Variants in ZNHIT3 observed in about 807,000 individuals in gnomAD.
ZNHIT3 encodes the protein zinc finger HIT-type containing 3.
Under a neutral mutation model 19.9 loss-of-function variants are expected in ZNHIT3, and 27 were observed. The observed-to-expected ratio is 1.36, with a 90% CI of 1.00 to 1.87. The LOEUF (loss-of-function observed/expected upper bound fraction) is 1.87, where lower values mean the gene tolerates loss of function less well. Among genes scored for constraint, ZNHIT3 ranks in the 40% most tolerant of loss-of-function variants. ZNHIT3 has a pLI of 0.00. For missense variants in ZNHIT3, 215 were observed against 185.6 expected, an observed-to-expected ratio of 1.16 and a Z score of -0.92; for synonymous variants, 81 against 65.7, an observed-to-expected ratio of 1.23 and a Z score of -1.13.
At chr17:36,489,363 C>T (rs1172693569) in intron 2 of ZNHIT3, 2 of 152,016 alleles carry the variant, frequency 1.3e-5, no homozygotes, top group African/African-American at 2.4e-5. Context: ...TTTTTAGGAA[C>T]CTCTATGCTG....
chr17:36,498,601 G>T, downstream of ZNHIT3: 1 of 1,538,144 alleles, frequency 6.5e-7, no homozygotes, highest in Non-Finnish European at 8.8e-7. Context: ...GATTTATCTA[G>T]CCCTCTTAGC....
In ZNHIT3 at chr17:36,493,977, G is replaced by A. The variant is rs373839162; in HGVS notation, c.257G>A (p.Arg86Lys). 6.2e-7 allele frequency: 1 copy of A among 1,613,456 alleles called. No individual in the cohort carries two copies. Among genetic ancestry groups the A allele is most frequent in the Non-Finnish European group, 8.5e-7 (1 of 1,179,476 alleles). ...CTCAATAGTGATGAGGAAGAAGACA[G>A]AGTTTCTTTGCAGAATTTAAAGAAT... is the stretch of plus-strand genomic sequence containing the variant. Reference protein sequence around the residue: ...DFLNSDEEEDRVSLQNLKNLG... With the variant: ...DFLNSDEEEDKVSLQNLKNLG... The change falls in exon 4 of 5, where the codon AGA (arginine) becomes AAA (lysine). Residue 86 changes from arginine to lysine, a missense_variant. By Grantham distance (26) the Arg-to-Lys change is conservative. Transcript: ENST00000617429.
intron 1 of ZNHIT3, 21 bp downstream of exon 1, chr17:36,486,806 G>A (rs1599138125): frequency 6.2e-7 from 1 of 1,610,002 alleles, no homozygotes; most frequent in Non-Finnish European, 8.5e-7. Flanking sequence ...AGGTCGCGGG[G>A]TCCAGGGGCG....
At chr17:36,498,173 C>G, downstream of ZNHIT3, 1 of 1,426,418 alleles carries the variant, frequency 7.0e-7, no homozygotes, top group Non-Finnish European at 9.5e-7. Context: ...TGGATCTTGT[C>G]CCAGCCTCAG....
intron 2 of ZNHIT3, chr17:36,489,791 T>G (rs1175522984): frequency 1.3e-5 from 2 of 152,078 alleles, no homozygotes; most frequent in African/African-American, 4.8e-5. Flanking sequence ...GGCTGATTTT[T>G]GTATTTTTAG....
At chr17:36,494,853 GCTA>G (rs779642368) in intron 4 of ZNHIT3, among the ~76,000 whole-genome samples, 1 of 152,168 alleles carries the variant, frequency 6.6e-6, no homozygotes, top group Admixed American at 6.5e-5. Context: ...GCAGCTTAAT[GCTA>G]CTATTTGCTT....
In ZNHIT3 at chr17:36,489,658, T is replaced by A. The variant is rs528040499; in HGVS notation, c.118+2692T>A. The A allele has an allele frequency of 9.9e-5, 15 of 152,098 alleles. No individual in the cohort carries two copies. In the East Asian group the frequency reaches 2.9e-3, roughly 29 times the overall value. The allele number at this position is 152,098 out of a possible 1,614,324, so 9.4% of individuals were successfully genotyped here. A position where few individuals can be genotyped will look rare whatever the true frequency, so the allele number is the denominator to read the frequency against. On this transcript the variant is annotated intron_variant, in intron 2 of 4. Transcript: ENST00000617429. ...TTTTTTTCTTTTTGAGACAGAGTCT[T>A]GCTCTTGTCGCCCGGGCTGGAGTAC...
intron 4 of ZNHIT3, among the ~76,000 whole-genome samples, 185 bp downstream of exon 4, chr17:36,494,191 C>G (rs1391502794): frequency 6.6e-6 from 1 of 152,200 alleles, no homozygotes; most frequent in Non-Finnish European, 1.5e-5. Flanking sequence ...TTCCTTCTGC[C>G]TGGAATCCTG....
At chr17:36,494,082 T>G in intron 4 of ZNHIT3, 76 bp downstream of exon 4, 1 of 1,203,946 alleles carries the variant, frequency 8.3e-7, no homozygotes, top group South Asian at 1.3e-5. Flanking sequence ...TTAAAAAGTT[T>G]TTAATTTCTT....
chr17:36,495,610 G>A lies in ZNHIT3; in HGVS notation c.*206G>A. ...GTCCTTAAGGTGGCAAGTCCTTTAT[G>A]GAGAGAAAACTTGACATTCAGATGA... is the stretch of plus-strand genomic sequence containing the variant. On this transcript the variant is annotated 3_prime_UTR_variant, in exon 5 of 5. Transcript: ENST00000617429. 7.8e-7 allele frequency: 1 copy of A among 1,288,508 alleles called. No individual in the cohort carries two copies. Among genetic ancestry groups the A allele is most frequent in the Non-Finnish European group, 9.8e-7 (1 of 1,021,174 alleles). 79.8% of individuals were successfully genotyped at this position (1,288,508 alleles called of 1,614,324 possible).
At chr17:36,487,022 C>G in intron 2 of ZNHIT3, 56 bp downstream of exon 2, 9 of 1,598,812 alleles carry the variant, frequency 5.6e-6, no homozygotes, top group South Asian at 1.1e-5. Flanking sequence ...GCCCCCACGT[C>G]CAGCCTCCGT....
intron 2 of ZNHIT3, 114 bp downstream of exon 2, chr17:36,487,080 C>T (rs2070580958): frequency 1.4e-6 from 2 of 1,425,554 alleles, no homozygotes; most frequent in South Asian, 1.3e-5. Flanking sequence ...CGCCTCGGGT[C>T]TCCGCGGGTT....
rs1334192909 is a variant in ZNHIT3 at position 36,492,849 on chromosome 17, AAAT to A, written c.158_160del (p.Ile53del). On this transcript the variant is annotated inframe_deletion, in exon 3 of 5. Transcript: ENST00000617429. ...CCTGAAACTCGTCCTGTTGAGAAAA[AAAT>A]AAGATCAGCTCTTCCTACCAAAACC... The A allele has an allele frequency of 1.2e-6, 2 of 1,614,210 alleles. No individual in the cohort carries two copies. Among genetic ancestry groups the A allele is most frequent in the South Asian group, 1.1e-5 (1 of 91,088 alleles).
intron 2 of ZNHIT3, 93 bp from the exon 3 acceptor site, chr17:36,492,720 C>T (rs1011467634): frequency 1.3e-5 from 15 of 1,124,358 alleles, no homozygotes; most frequent in African/African-American, 9.3e-5. Context: ...ACCCCAGACA[C>T]TTGCTTCCTA....
intron 2 of ZNHIT3, among the ~76,000 whole-genome samples, chr17:36,487,566 G>A (rs2070603293): frequency 6.6e-6 from 1 of 152,200 alleles, no homozygotes; most frequent in African/African-American, 2.4e-5. Context: ...GGCCAAGGCG[G>A]GTGGATCACC....
Position 36,495,075 on chromosome 17 carries a change from T to G in ZNHIT3, c.287-148T>G, listed in dbSNP as rs950274274. On this transcript the variant is annotated intron_variant, in intron 4 of 4. Transcript: ENST00000617429. ...CCTGAGCTCAAGCAATCTGCCCACC[T>G]TGACCTCCCCAGTTGCTGGTATTAC... 9 of 940,060 alleles carry G rather than the reference T, an allele frequency of 9.6e-6. No homozygotes were observed. The Admixed American group carries it at 3.1e-4, about 32-fold the overall frequency. The allele number at this position is 940,060 out of a possible 1,614,324, so 58.2% of individuals were successfully genotyped here. A position where few individuals can be genotyped will look rare whatever the true frequency, so the allele number is the denominator to read the frequency against.
chr17:36,492,905 T>C lies in ZNHIT3; in HGVS notation c.205+6T>C, dbSNP rs764185593. On this transcript the variant is annotated splice_donor_region_variant and intron_variant, in intron 3 of 4. Coordinates refer to ENST00000617429, the MANE Select transcript of ZNHIT3 (RefSeq NM_004773.4). ...AAAGCCTGTGGAAAACAAAGGTGGGTTGGTTGACTTCAAACAAATCTACAA... is the reference window on the plus strand; with the variant it reads ...AAAGCCTGTGGAAAACAAAGGTGGGCTGGTTGACTTCAAACAAATCTACAA... 1 of 1,613,892 alleles carries C rather than the reference T, an allele frequency of 6.2e-7. No individual in the cohort carries two copies. Among genetic ancestry groups the C allele is most frequent in the Admixed American group, 1.7e-5 (1 of 60,014 alleles).
At chr17:36,492,560 A>T (rs2070751182) in intron 2 of ZNHIT3, 2 of 484,480 alleles carry the variant, frequency 4.1e-6, no homozygotes, top group African/African-American at 3.9e-5. Context: ...AGAATTTTGT[A>T]AGATTCGGCA....
At chr17:36,498,868 C>T, downstream of ZNHIT3, 1 of 594,336 alleles carries the variant, frequency 1.7e-6, no homozygotes, top group South Asian at 2.0e-5. Flanking sequence ...CCCAGAGTTG[C>T]TTATACCACT....
Sources: allele counts gnomAD v4.1 joint callset (sites outside exome capture counted in the v4.1 genomes callset), GRCh38; gene constraint gnomAD v4.1.1; transcripts MANE v1.5; gene names NCBI Gene and HGNC (gene_info 2026-07-23, HGNC 2026-07-21).